NEK7: variants seen among roughly 807,000 people sequenced by gnomAD.
The protein encoded by NEK7 is serine/threonine-protein kinase Nek7.
NEK7 carries 18 observed loss-of-function variants against 44.6 expected under a neutral mutation model. The observed-to-expected ratio is 0.40, with a 90% confidence interval of 0.28 to 0.60. The LOEUF is 0.60. Ranked by LOEUF, NEK7 falls within the 20% of genes least tolerant of loss-of-function variation. The pLI is 0.38. For synonymous variants in NEK7, 130 were observed against 121.1 expected (o/e 1.07, Z -0.48); for missense variants, 256 against 366.5 (o/e 0.70, Z 2.46).
At chr1:198,293,436 T>G (rs1399893748) in intron 8 of NEK7, among the ~76,000 whole-genome samples, 2 of 152,018 alleles carry the variant, frequency 1.3e-5, no homozygotes, top group Non-Finnish European at 3.0e-5. Context: ...TTTATTTCAC[T>G]TTTACACAGG....
At chr1:198,283,459 C>T (rs757815711) in intron 7 of NEK7, among the ~76,000 whole-genome samples, 15 of 151,982 alleles carry the variant, frequency 9.9e-5, no homozygotes, top group Admixed American at 3.3e-4. Context: ...GTGATCTAAA[C>T]GGTTGTTTGG....
chr1:198,297,345 G>A lies in NEK7; in HGVS notation c.798+105G>A, dbSNP rs1654742764. 7 of 1,375,208 alleles carry A rather than the reference G, an allele frequency of 5.1e-6. No homozygotes were observed. The East Asian group carries it at 1.6e-4, about 32-fold the overall frequency. 85.2% of individuals were successfully genotyped at this position (1,375,208 alleles called of 1,614,324 possible). A position where few individuals can be genotyped will look rare whatever the true frequency, so the allele number is the denominator to read the frequency against. On this transcript the variant is annotated intron_variant, in intron 9 of 9. Transcript: ENST00000367385. ...CCAAAAATGAAAATGAATGGTATAG[G>A]TAGCAGAACTAGCACTTTTTAATTC...
chr1:198,247,882 C>T (rs1002883428), intron 2 of NEK7, among the ~76,000 whole-genome samples: 19 of 152,042 alleles, frequency 1.2e-4, no homozygotes, highest in Non-Finnish European at 2.4e-4. Context: ...AGCCTTTCTG[C>T]GTAAGTCTAG....
intron 1 of NEK7, among the ~76,000 whole-genome samples, chr1:198,204,917 T>C (rs1054304297): frequency 4.6e-5 from 7 of 152,076 alleles, no homozygotes; most frequent in African/African-American, 7.2e-5. Flanking sequence ...GGGAGGGATG[T>C]TTGTGCTCCC....
intron 3 of NEK7, among the ~76,000 whole-genome samples, chr1:198,255,489 G>C (rs951748927): frequency 6.6e-6 from 1 of 152,028 alleles, no homozygotes; most frequent in African/African-American, 2.4e-5. Flanking sequence ...GAAACAGAAA[G>C]AAAGAAGGGA....
At chr1:198,315,230 A>T (rs1457034386) in intron 9 of NEK7, among the ~76,000 whole-genome samples, 28 of 152,228 alleles carry the variant, frequency 1.8e-4, no homozygotes, top group Admixed American at 1.6e-3. Context: ...TTCTTTGACT[A>T]GGTAAGGGAA....
intron 1 of NEK7, among the ~76,000 whole-genome samples, chr1:198,165,423 G>A (rs1402899321): frequency 2.6e-5 from 4 of 152,192 alleles, no homozygotes; most frequent in Non-Finnish European, 4.4e-5. Flanking sequence ...TCCTTGATCC[G>A]TGGGCTGTAG....
intron 2 of NEK7, among the ~76,000 whole-genome samples, chr1:198,235,714 C>A (rs904837532): frequency 6.6e-6 from 1 of 151,652 alleles, no homozygotes. Flanking sequence ...AATTATAAAC[C>A]AATTATAATC....
At chr1:198,232,920 AT>A (rs1430931123) in intron 2 of NEK7, among the ~76,000 whole-genome samples, 4 of 151,606 alleles carry the variant, frequency 2.6e-5, no homozygotes, top group Non-Finnish European at 5.9e-5. Flanking sequence ...AATTGCACAT[AT>A]TTTTAGGGTG....
intron 7 of NEK7, among the ~76,000 whole-genome samples, chr1:198,289,779 G>A (rs570088857): frequency 6.6e-6 from 1 of 152,228 alleles, no homozygotes; most frequent in Non-Finnish European, 1.5e-5. Flanking sequence ...CAACATGTTA[G>A]CAGAACTTGT....
chr1:198,219,246 A>G (rs1666016204), intron 1 of NEK7, among the ~76,000 whole-genome samples: 1 of 150,182 alleles, frequency 6.7e-6, no homozygotes, highest in Non-Finnish European at 1.5e-5. Flanking sequence ...ATTTATGTAT[A>G]TTTTACATAA....
chr1:198,194,706 C>T (rs932776051), intron 1 of NEK7, among the ~76,000 whole-genome samples: 18 of 152,250 alleles, frequency 1.2e-4, no homozygotes, highest in East Asian at 7.7e-4. Flanking sequence ...TTTTCTTTAT[C>T]CAGTCTACCA....
At chr1:198,305,901 T>A (rs1655010633) in intron 9 of NEK7, among the ~76,000 whole-genome samples, 1 of 152,138 alleles carries the variant, frequency 6.6e-6, no homozygotes, top group African/African-American at 2.4e-5. Context: ...TTTGACTGTG[T>A]GGAAGGTCAC....
intron 3 of NEK7, among the ~76,000 whole-genome samples, chr1:198,257,039 C>G (rs116778949): frequency 2.6e-5 from 4 of 152,040 alleles, no homozygotes; most frequent in Admixed American, 2.6e-4. Context: ...TTAAATAATA[C>G]GTGAGGTATT....
At chr1:198,277,887 C>T (rs990770646) in intron 5 of NEK7, 74 bp from the exon 6 acceptor site, 20 of 788,782 alleles carry the variant, frequency 2.5e-5, no homozygotes, top group Middle Eastern at 3.6e-4. Flanking sequence ...TTCTGACTTA[C>T]GGATTTTTGC....
At chr1:198,227,320 T>A (rs530351863) in intron 1 of NEK7, among the ~76,000 whole-genome samples, 10 of 152,288 alleles carry the variant, frequency 6.6e-5, no homozygotes, top group African/African-American at 1.9e-4. Flanking sequence ...ATAGTGCTGC[T>A]ATAAACATAC....
At chr1:198,161,402 G>C (rs1316447979) in intron 1 of NEK7, among the ~76,000 whole-genome samples, 2 of 152,192 alleles carry the variant, frequency 1.3e-5, no homozygotes, top group African/African-American at 4.8e-5. Flanking sequence ...AGTGGGCATA[G>C]GTGTGTTCAA....
At chr1:198,269,591 C>T (rs1319436680) in intron 5 of NEK7, among the ~76,000 whole-genome samples, 1 of 151,970 alleles carries the variant, frequency 6.6e-6, no homozygotes, top group Non-Finnish European at 1.5e-5. Flanking sequence ...TATTGTAAAT[C>T]ATTGTGCATC....
chr1:198,203,834 A>G (rs147218283), intron 1 of NEK7, among the ~76,000 whole-genome samples: 222 of 149,092 alleles, frequency 1.5e-3, no homozygotes, highest in Non-Finnish European at 2.6e-3. Context: ...GGTTGAATTC[A>G]TTTTTTTTTT....
Sources: gnomAD v4.1 joint callset for allele counts (sites outside exome capture counted in the v4.1 genomes callset) on GRCh38, gnomAD v4.1.1 for gene constraint, MANE v1.5 for transcripts, NCBI Gene and HGNC (gene_info 2026-07-23, HGNC 2026-07-21) for gene names.